Variants in RRBP1 observed in about 807,000 individuals in gnomAD.
RRBP1 encodes ribosome binding protein 1.
RRBP1 carries 94 observed loss-of-function variants against 165.2 expected under a neutral mutation model. The ratio of observed to expected loss-of-function variants is 0.57; its 90% CI spans 0.48 to 0.68. RRBP1 has a LOEUF of 0.68. Among genes scored for constraint, RRBP1 ranks in the 30% least tolerant of loss-of-function variants. The pLI is 0.00. For synonymous variants in RRBP1, 680 were observed against 714.5 expected (o/e 0.95, Z 0.77); for missense variants, 1,676 against 1,763.0 (o/e 0.95, Z 0.88).
chr20:17,666,729 G>A (rs572717631), intron 2 of RRBP1, among the ~76,000 whole-genome samples: 58 of 152,312 alleles, frequency 3.8e-4, no homozygotes, highest in African/African-American at 1.2e-3. Flanking sequence ...TGTAGCATTC[G>A]CAAGTTACTA....
chr20:17,642,008 T>C, intron 4 of RRBP1, 89 bp from the exon 5 acceptor site: 1 of 1,404,010 alleles, frequency 7.1e-7, no homozygotes, highest in Non-Finnish European at 9.8e-7. Context: ...GCCTGAGGGC[T>C]TGATGAAGTG....
At chr20:17,638,691 T>C (rs1188095871) in intron 5 of RRBP1, among the ~76,000 whole-genome samples, 1 of 136,990 alleles carries the variant, frequency 7.3e-6, no homozygotes, top group Non-Finnish European at 1.5e-5. Flanking sequence ...GTCAGATTTA[T>C]TTCCTTGAAA....
intron 3 of RRBP1, among the ~76,000 whole-genome samples, chr20:17,648,417 C>G (rs1447745329): frequency 6.6e-6 from 1 of 152,248 alleles, no homozygotes; most frequent in East Asian, 1.9e-4. Flanking sequence ...ACTCCAGGCC[C>G]AGCTCAGGCC....
intron 8 of RRBP1, among the ~76,000 whole-genome samples, chr20:17,633,062 T>A (rs112316058): frequency 6.6e-6 from 1 of 152,166 alleles, no homozygotes; most frequent in Non-Finnish European, 1.5e-5. Context: ...AGAGCGAGAC[T>A]TGGGGTTCAA....
Position 17,643,891 on chromosome 20 carries a change from T to C in RRBP1, c.1913-764A>G, listed in dbSNP as rs2036414681. On this transcript the variant is annotated intron_variant, in intron 3 of 24. Coordinates refer to ENST00000377813, the MANE Select transcript of RRBP1 (RefSeq NM_001365613.2). This position sits in a 1 kb window ranked among gnomAD's most constrained non-coding sequence, Gnocchi z 4.3. The stretch of plus-strand genomic sequence containing the variant: ...GCCCCTCCCCACACACATGGTTTTG[T>C]TCTCATTGGGGCTTGAATGCAGCCT... Among the ~76,000 whole-genome samples, 2 of 152,158 alleles carry C rather than the reference T, an allele frequency of 1.3e-5. No individual in the cohort carries two copies. The highest frequency in any genetic ancestry group is 2.9e-5 in the Non-Finnish European group (2 of 68,018).
At chr20:17,625,203 G>A (rs1046675641) in intron 12 of RRBP1, among the ~76,000 whole-genome samples, 3 of 152,146 alleles carry the variant, frequency 2.0e-5, no homozygotes, top group African/African-American at 7.2e-5. Flanking sequence ...CTGGGACCAG[G>A]ATCCCCACTT....
At position 17,659,605 on chromosome 20, in the gene RRBP1, C is replaced by A; in HGVS notation, c.903G>T (p.Lys301Asn). 1 of 1,544,784 alleles carries A rather than the reference C, an allele frequency of 6.5e-7. No homozygotes were observed. The highest frequency in any genetic ancestry group is 1.2e-5 in the South Asian group (1 of 83,860). The change falls in exon 3 of 25, where the codon AAG (lysine) becomes AAT (asparagine). Residue 301 changes from lysine (K) to asparagine (N), a missense_variant. By Grantham distance (94) the Lys-to-Asn change is moderately conservative (BLOSUM62 0). Coordinates refer to ENST00000377813, the MANE Select transcript of RRBP1 (RefSeq NM_001365613.2). ...KAEGAQNQAK[K>N]VEGAQNQGKK... ...TGCCCTGGTTCTGGGCCCCTTCTACCTTTTTGGCCTGGTTCTGAGCCCCCT... is the reference window on the plus strand; with the variant it reads ...TGCCCTGGTTCTGGGCCCCTTCTACATTTTTGGCCTGGTTCTGAGCCCCCT...
chr20:17,634,232 G>A (rs2036206224), intron 7 of RRBP1, among the ~76,000 whole-genome samples: 1 of 152,218 alleles, frequency 6.6e-6, no homozygotes, highest in Admixed American at 6.5e-5. Context: ...ACTAGCAGAC[G>A]CTGCCTCAAG....
Position 17,633,548 on chromosome 20 carries a change from T to C in RRBP1, c.2522A>G (p.Lys841Arg). The stretch of plus-strand genomic sequence containing the variant: ...CTCATCTTGCCGCACAGCCTCTGAC[T>C]TCTCCACCAGCTCTTTGCTGACCTT... ...LSKVSKELVEKSEAVRQDEQQ... is the reference protein window; with the variant it reads ...LSKVSKELVERSEAVRQDEQQ... Residue 841 changes from lysine to arginine, a missense_variant, in exon 8 of 25, where the codon AAG becomes AGG. Transcript: ENST00000377813. 1 of 1,614,078 alleles carries C rather than the reference T, an allele frequency of 6.2e-7. No individual in the cohort carries two copies.
chr20:17,641,239 A>G (rs547431405), intron 5 of RRBP1, among the ~76,000 whole-genome samples: 142 of 152,104 alleles, frequency 9.3e-4, no homozygotes, highest in African/African-American at 3.4e-3. Context: ...GCACCAACCC[A>G]CCACCGTTTG....
At chr20:17,640,112 G>A (rs2036324412) in intron 5 of RRBP1, among the ~76,000 whole-genome samples, 2 of 152,176 alleles carry the variant, frequency 1.3e-5, no homozygotes, top group African/African-American at 2.4e-5. Flanking sequence ...GATCACTGGC[G>A]GCCTGCTAGG....
chr20:17,643,148 A>G lies in RRBP1; in HGVS notation c.1913-21T>C. 6.2e-7 allele frequency: 1 copy of G among 1,612,002 alleles called. No homozygotes were observed. The highest frequency in any genetic ancestry group is 8.5e-7 in the Non-Finnish European group (1 of 1,179,490). Reference sequence around the variant, plus strand: ...GGGCCCTGTGCAGCAAGAGGGAAAGAGCTGAGACTTAGGCCCATAAGCCAC... The same window carrying G: ...GGGCCCTGTGCAGCAAGAGGGAAAGGGCTGAGACTTAGGCCCATAAGCCAC... On this transcript the variant is annotated intron_variant, in intron 3 of 24. Coordinates refer to ENST00000377813, the MANE Select transcript of RRBP1 (RefSeq NM_001365613.2). The surrounding 1 kb of genome is among the most constrained non-coding windows in gnomAD (Gnocchi z 4.3).
intron 2 of RRBP1, among the ~76,000 whole-genome samples, chr20:17,676,778 TCTCA>T (rs2122516089): frequency 6.6e-6 from 1 of 151,762 alleles, no homozygotes; most frequent in East Asian, 1.9e-4. Flanking sequence ...TGAGACAGAG[TCTCA>T]CTCTGTCGCC....
intron 16 of RRBP1, 141 bp downstream of exon 16, chr20:17,621,317 G>A: frequency 1.6e-6 from 1 of 629,948 alleles, no homozygotes; most frequent in Non-Finnish European, 2.8e-6. Context: ...CATTTACCAT[G>A]CAGCCGAAGA....
At chr20:17,637,649 A>G (rs2036272642) in intron 5 of RRBP1, among the ~76,000 whole-genome samples, 2 of 152,140 alleles carry the variant, frequency 1.3e-5, no homozygotes, top group Admixed American at 1.3e-4. Context: ...GCCTGTCCCA[A>G]AGGCCAGAGT....
At chr20:17,627,813 G>A in intron 9 of RRBP1, 131 bp from the exon 10 acceptor site, 1 of 860,218 alleles carries the variant, frequency 1.2e-6, no homozygotes, top group Non-Finnish European at 1.7e-6. Flanking sequence ...CTGTGTGTCT[G>A]GGGCTCTTAA....
At chr20:17,681,977 C>G (rs2037202273) in intron 1 of RRBP1, 51 bp downstream of exon 1, 1 of 148,736 alleles carries the variant, frequency 6.7e-6, no homozygotes, top group Non-Finnish European at 1.5e-5. Context: ...CCCGGCCCCC[C>G]GACGGCCCGG....
intron 3 of RRBP1, among the ~76,000 whole-genome samples, chr20:17,652,444 G>A (rs1432217743): frequency 1.3e-5 from 2 of 152,120 alleles, no homozygotes; most frequent in African/African-American, 2.4e-5. Flanking sequence ...AAGGCCTCCT[G>A]GACTCATGGG....
rs933462444 is a variant in RRBP1, at chr20:17,621,906, G to C, written c.3189C>G (p.Thr1063=). Residue 1063 remains threonine (T), a synonymous_variant, in exon 14 of 25, where the codon ACC becomes ACG. Coordinates refer to ENST00000377813, the MANE Select transcript of RRBP1 (RefSeq NM_001365613.2). ...GGAGCAGAGCCAGCAGGGCCTCCAT[G>C]GTCTGCGCCTCAATCAGACAGAGCT... is the stretch of plus-strand genomic sequence containing the variant. The part of the protein sequence containing the change: ...EKQLCLIEAQ[T]MEALLALLPE... 5.6e-6 allele frequency: 9 copies of C among 1,613,718 alleles called. No individual in the cohort carries two copies. The highest frequency in any genetic ancestry group is 7.6e-6 in the Non-Finnish European group (9 of 1,179,988).
Sources: allele counts gnomAD v4.1 joint callset (sites outside exome capture counted in the v4.1 genomes callset), GRCh38; gene constraint gnomAD v4.1.1; non-coding constraint Gnocchi (gnomAD v3.1); transcripts MANE v1.5; gene names NCBI Gene and HGNC (gene_info 2026-07-23, HGNC 2026-07-21).